Variants in CFH observed in about 807,000 individuals in gnomAD.
CFH encodes the protein H factor 1 (complement).
A neutral mutation model predicts 147.3 loss-of-function variants in CFH; 53 were observed. The observed-to-expected ratio is 0.36, with a 90% CI of 0.29 to 0.45. The LOEUF (loss-of-function observed/expected upper bound fraction) is 0.45, where lower values mean the gene tolerates loss of function less well. Among genes scored for constraint, CFH ranks in the 20% least tolerant of loss-of-function variants. The pLI is 1.00. For synonymous variants in CFH, 536 were observed against 489.4 expected, an observed-to-expected ratio of 1.10 and a Z score of -1.26; for missense variants, 1,380 against 1,498.0, an observed-to-expected ratio of 0.92 and a Z score of 1.30.
At position 196,689,403 on chromosome 1, in the gene CFH, A is replaced by T. The variant is rs1667947990; in HGVS notation, c.965-17A>T. The stretch of plus-strand genomic sequence containing the variant: ...AGTAAAATTTCTTTATACTTTTTTT[A>T]AAATTTTTATTGCAAGTGAAACCTT... On this transcript the variant is annotated splice_polypyrimidine_tract_variant and intron_variant, in intron 7 of 21. Transcript: ENST00000367429. 1.2e-6 allele frequency: 2 copies of T among 1,606,714 alleles called. No homozygotes were observed. The highest frequency in any genetic ancestry group is 1.7e-6 in the Non-Finnish European group (2 of 1,175,966).
intron 1 of CFH, among the ~76,000 whole-genome samples, chr1:196,663,504 G>T (rs1666974514): frequency 6.6e-6 from 1 of 152,046 alleles, no homozygotes; most frequent in Non-Finnish European, 1.5e-5. Flanking sequence ...AACAGAATTA[G>T]TATTGTTGAT....
At chr1:196,727,492 T>C (rs1669172965) in intron 14 of CFH, among the ~76,000 whole-genome samples, 1 of 152,032 alleles carries the variant, frequency 6.6e-6, no homozygotes, top group Non-Finnish European at 1.5e-5. Flanking sequence ...GTAAGACTCT[T>C]TCTTTAAAAA....
chr1:196,741,031 C>A, intron 18 of CFH: 1 of 502,914 alleles, frequency 2.0e-6, no homozygotes, highest in South Asian at 2.1e-5. Context: ...TATTCTCAGA[C>A]TTCTCATCTC....
intron 7 of CFH, among the ~76,000 whole-genome samples, chr1:196,685,548 A>T (rs1667796770): frequency 6.6e-6 from 1 of 152,268 alleles, no homozygotes; most frequent in South Asian, 2.1e-4. Flanking sequence ...TTGTAACAAA[A>T]TACCCCAAAA....
rs137866265 is a variant in CFH, at chr1:196,669,274, A to G, written c.59-3704A>G. On this transcript the variant is annotated intron_variant, in intron 1 of 21. Transcript: ENST00000367429. The stretch of plus-strand genomic sequence containing the variant: ...TGCAGCCTGATGATGCAATAGAAAT[A>G]AAACCCGAATTTTCTTGGGAAAAAT... Among the ~76,000 whole-genome samples the G allele has an allele frequency of 2.6e-3, 403 of 152,340 alleles. 2 individuals are homozygous for G. Among genetic ancestry groups the G allele is most frequent in the East Asian group, 0.014 (71 of 5,188 alleles).
At chr1:196,697,338 G>A (rs1385129699) in intron 9 of CFH, among the ~76,000 whole-genome samples, 7 of 152,226 alleles carry the variant, frequency 4.6e-5, no homozygotes, top group East Asian at 1.9e-4. Flanking sequence ...ATCAAAAAGT[G>A]GGTGAAGGAT....
chr1:196,685,043 A>G (rs759235964), intron 6 of CFH, 21 bp from the exon 7 acceptor site: 1 of 1,543,408 alleles, frequency 6.5e-7, no homozygotes, highest in East Asian at 2.3e-5. Flanking sequence ...TGCATTATCC[A>G]TATATCCTTT....
intron 6 of CFH, among the ~76,000 whole-genome samples, chr1:196,684,644 A>C (rs543950171): frequency 1.3e-5 from 2 of 152,156 alleles, no homozygotes; most frequent in East Asian, 3.9e-4. Flanking sequence ...ACATGGCCAC[A>C]GTTACTTCAA....
At chr1:196,696,076 A>C (rs1050455649) in intron 9 of CFH, among the ~76,000 whole-genome samples, 6 of 152,050 alleles carry the variant, frequency 3.9e-5, no homozygotes, top group Non-Finnish European at 8.8e-5. Context: ...GAAAATTAAC[A>C]AAGATATTCC....
Position 196,728,426 on chromosome 1 carries a change from C to A in CFH, c.2317C>A (p.His773Asn). The A allele has an allele frequency of 6.2e-7, 1 of 1,609,778 alleles. No individual in the cohort carries two copies. The highest frequency in any genetic ancestry group is 1.7e-5 in the Admixed American group (1 of 59,808). ...TTTAAAAAACAAGAAGGAATTCGAT[C>A]ATAATTCTAACATAAGGTACAGATG... ...EHLKNKKEFD[H>N]NSNIRYRCRG... Residue 773 changes from histidine to asparagine, a missense_variant, in exon 15 of 22, where the codon CAT becomes AAT. Physicochemically the swap from His to Asn is moderately conservative, Grantham distance 68 (BLOSUM62 1). This residue lies in a region of CFH where 830 missense variants were observed against 821.4 expected (regional missense o/e 1.01). Coordinates refer to ENST00000367429, the MANE Select transcript of CFH (RefSeq NM_000186.4).
Position 196,715,729 on chromosome 1 carries a change from G to T in CFH, c.1656G>T (p.Val552=), listed in dbSNP as rs1668856297. The T allele has an allele frequency of 3.1e-6, 5 of 1,612,756 alleles. No individual in the cohort carries two copies. The highest frequency in any genetic ancestry group is 4.2e-6 in the Non-Finnish European group (5 of 1,179,144). Residue 552 remains valine (V), a synonymous_variant, in exon 11 of 22, where the codon GTG becomes GTT. Coordinates refer to ENST00000367429, the MANE Select transcript of CFH (RefSeq NM_000186.4). ...SNTGSTTGSI[V]CGYNGWSDLP... ...CTGGAAGCACCACTGGTTCCATAGT[G>T]TGTGGTTACAATGGTTGGTCTGATT...
Position 196,677,614 on chromosome 1 carries a change from A to G in CFH, c.566A>G (p.Glu189Gly). 6.2e-7 allele frequency: 1 copy of G among 1,613,270 alleles called. No homozygotes were observed. Residue 189 changes from glutamate to glycine, a missense_variant, in exon 5 of 22, where the codon GAA becomes GGA. Physicochemically the swap from Glu to Gly is moderately conservative, Grantham distance 98. Around this residue, in one of 4 missense-constraint regions of CFH, gnomAD observed 260 missense variants for 263.3 expected, o/e 0.99. Transcript: ENST00000367429. Reference sequence around the variant, plus strand: ...GGCTACAAGATTGAAGGAGATGAAGAAATGCATTGTTCAGACGATGGTTTT... The same window carrying G: ...GGCTACAAGATTGAAGGAGATGAAGGAATGCATTGTTCAGACGATGGTTTT... Reference protein sequence around the residue: ...NSGYKIEGDEEMHCSDDGFWS... With the variant: ...NSGYKIEGDEGMHCSDDGFWS...
chr1:196,715,862 G>T, intron 11 of CFH, 93 bp downstream of exon 11: 1 of 1,049,888 alleles, frequency 9.5e-7, no homozygotes, highest in Non-Finnish European at 1.4e-6. Context: ...GAATTGTTAA[G>T]GAATGTTGAT....
At chr1:196,675,369 T>A (rs764090478) in intron 3 of CFH, among the ~76,000 whole-genome samples, 10 of 152,080 alleles carry the variant, frequency 6.6e-5, no homozygotes, top group Admixed American at 5.9e-4. Context: ...ATCTCTACGA[T>A]AGAGATGGAG....
At position 196,692,323 on chromosome 1, in the gene CFH, G is replaced by A. The variant is rs140081705; in HGVS notation, c.1336+2084G>A. 2.4e-4 allele frequency: 136 copies of A among 575,490 alleles called. No homozygotes were observed. In the African/African-American group the frequency reaches 2.5e-3, roughly 10 times the overall value. 35.6% of individuals were successfully genotyped at this position (575,490 alleles called of 1,614,324 possible). A position where few individuals can be genotyped will look rare whatever the true frequency, so the allele number is the denominator to read the frequency against. ...TTTTTGCTTCATCAGTCTCTTTTTT[G>A]TCTCATCATTCAGTGTCAGATGATC... On this transcript the variant is annotated intron_variant, in intron 9 of 21. Coordinates refer to ENST00000367429, the MANE Select transcript of CFH (RefSeq NM_000186.4).
chr1:196,697,253 T>C (rs1435457236), intron 9 of CFH, among the ~76,000 whole-genome samples: 1 of 151,808 alleles, frequency 6.6e-6, no homozygotes, highest in Non-Finnish European at 1.5e-5. Flanking sequence ...TGCAATCTAC[T>C]CATCTGACAA....
At chr1:196,672,012 G>T (rs748784853) in intron 1 of CFH, among the ~76,000 whole-genome samples, 3 of 151,878 alleles carry the variant, frequency 2.0e-5, no homozygotes, top group Non-Finnish European at 2.9e-5. Context: ...AATACTAGTT[G>T]TGTATTTGAG....
At chr1:196,658,566 C>G (rs1055310441) in intron 1 of CFH, among the ~76,000 whole-genome samples, 1 of 151,744 alleles carries the variant, frequency 6.6e-6, no homozygotes, top group Admixed American at 6.6e-5. Flanking sequence ...CACCCACCAC[C>G]AAGCCCGGCT....
At chr1:196,727,579 A>G (rs1347063617) in intron 14 of CFH, among the ~76,000 whole-genome samples, 1 of 152,148 alleles carries the variant, frequency 6.6e-6, no homozygotes, top group Non-Finnish European at 1.5e-5. Flanking sequence ...TTTATATAAA[A>G]TATAAATATT....
Sources: allele counts gnomAD v4.1 joint callset (sites outside exome capture counted in the v4.1 genomes callset), GRCh38; gene constraint gnomAD v4.1.1; regional missense constraint gnomAD v4.1.1; transcripts MANE v1.5; gene names NCBI Gene and HGNC (gene_info 2026-07-23, HGNC 2026-07-21).